WWC2: variants seen among roughly 807,000 people sequenced by gnomAD.
The protein encoded by WWC2 is WW and C2 domain containing 2.
WWC2 carries 101 observed loss-of-function variants against 138.5 expected under a neutral mutation model. The ratio of observed to expected loss-of-function variants is 0.73; its 90% CI spans 0.62 to 0.86. The LOEUF is 0.86. Ranked by LOEUF, WWC2 falls within the 40% of genes least tolerant of loss-of-function variation. The pLI is 0.00. For synonymous variants in WWC2, 558 were observed against 538.4 expected (o/e 1.04, Z -0.50); for missense variants, 1,420 against 1,419.4 (o/e 1.00, Z -0.01).
chr4:183,255,759 A>G (rs1453848846), intron 9 of WWC2, among the ~76,000 whole-genome samples: 2 of 152,176 alleles, frequency 1.3e-5, no homozygotes, highest in East Asian at 1.9e-4. Flanking sequence ...AACATTAAAG[A>G]TAGCAATTTG....
intron 4 of WWC2, among the ~76,000 whole-genome samples, chr4:183,215,668 G>C (rs1436224317): frequency 6.6e-6 from 1 of 151,908 alleles, no homozygotes. Context: ...TATGAGTTTG[G>C]CCTCCTTTTC....
At chr4:183,283,471 G>T (rs1738145951) in intron 18 of WWC2, among the ~76,000 whole-genome samples, 1 of 152,172 alleles carries the variant, frequency 6.6e-6, no homozygotes, top group Non-Finnish European at 1.5e-5. Context: ...TGGGGATATT[G>T]GTAGTAGAGT....
At chr4:183,245,246 AAAAG>A (rs1303758619) in intron 5 of WWC2, among the ~76,000 whole-genome samples, 166 bp from the exon 6 acceptor site, 2 of 146,226 alleles carry the variant, frequency 1.4e-5, no homozygotes, top group African/African-American at 5.5e-5. Context: ...AAAAAAAAAA[AAAAG>A]AGAGAGAAAG....
In WWC2 at chr4:183,207,996, A is replaced by G. The variant is rs753863192; in HGVS notation, c.285A>G (p.Glu95=). The G allele has an allele frequency of 1.9e-6, 3 of 1,613,508 alleles. No homozygotes were observed. The highest frequency in any genetic ancestry group is 2.2e-5 in the South Asian group (2 of 90,976). The part of the protein sequence containing the change: ...IEDPRKQWRG[E]QEKMLKDYLS... ...ATCCAAGAAAACAATGGAGGGGGGAACAGGAGAAGATGCTCAAGGACTACC... is the reference window on the plus strand; with the variant it reads ...ATCCAAGAAAACAATGGAGGGGGGAGCAGGAGAAGATGCTCAAGGACTACC... Residue 95 remains glutamate (E), a synonymous_variant, in exon 3 of 23, where the codon GAA becomes GAG. Transcript: ENST00000403733.
chr4:183,192,430 G>A (rs558621060), intron 1 of WWC2, among the ~76,000 whole-genome samples: 1 of 152,286 alleles, frequency 6.6e-6, no homozygotes, highest in South Asian at 2.1e-4. Flanking sequence ...CTTCTTTGGA[G>A]CCATCTCCAG....
At chr4:183,121,701 G>A (rs1732605318) in intron 1 of WWC2, among the ~76,000 whole-genome samples, 1 of 151,884 alleles carries the variant, frequency 6.6e-6, no homozygotes, top group Non-Finnish European at 1.5e-5. Context: ...TTATAGATAA[G>A]GGAAATGCAA....
At chr4:183,282,978 T>C (rs1738130057) in intron 18 of WWC2, 72 bp downstream of exon 18, 1 of 1,410,276 alleles carries the variant, frequency 7.1e-7, no homozygotes, top group Non-Finnish European at 9.4e-7. Flanking sequence ...GATGCTTGTT[T>C]GTCTCCTTAG....
intron 1 of WWC2, among the ~76,000 whole-genome samples, chr4:183,180,471 A>G (rs1362820912): frequency 6.6e-6 from 1 of 150,488 alleles, no homozygotes; most frequent in Non-Finnish European, 1.5e-5. Context: ...GGCCAGTCTC[A>G]CCAAGCTTGA....
At chr4:183,219,646 C>T (rs1047369955) in intron 4 of WWC2, among the ~76,000 whole-genome samples, 1 of 152,150 alleles carries the variant, frequency 6.6e-6, no homozygotes, top group Non-Finnish European at 1.5e-5. Flanking sequence ...CGGAAGGATG[C>T]TGTCATAAGG....
intron 21 of WWC2, among the ~76,000 whole-genome samples, chr4:183,302,857 A>G (rs564562989): frequency 6.6e-6 from 1 of 152,230 alleles, no homozygotes; most frequent in East Asian, 1.9e-4. Flanking sequence ...TGAGGTCAGG[A>G]GTTCAAGACC....
At chr4:183,282,327 C>T (rs538554074) in intron 17 of WWC2, among the ~76,000 whole-genome samples, 1 of 152,292 alleles carries the variant, frequency 6.6e-6, no homozygotes, top group Admixed American at 6.5e-5. Flanking sequence ...TTTCTGTATT[C>T]ACTGTCATAT....
intron 11 of WWC2, among the ~76,000 whole-genome samples, chr4:183,263,458 C>A (rs2111363230): frequency 1.3e-5 from 2 of 152,304 alleles, no homozygotes; most frequent in Admixed American, 1.3e-4. Context: ...GAGACAGTAT[C>A]TCTGAACCTT....
At chr4:183,172,457 A>G (rs1053892428) in intron 1 of WWC2, among the ~76,000 whole-genome samples, 4 of 151,916 alleles carry the variant, frequency 2.6e-5, no homozygotes, top group Non-Finnish European at 5.9e-5. Context: ...ACATAATTCC[A>G]GGTTGGAAGT....
rs561228308 is a variant in WWC2 at position 183,161,942 on chromosome 4, A to G, written c.132-31657A>G. 3.3e-5 allele frequency among the ~76,000 whole-genome samples: 5 copies of G among 152,304 alleles called. No homozygotes were observed. The South Asian group carries it at 1.0e-3, about 32-fold the overall frequency. On this transcript the variant is annotated intron_variant, in intron 1 of 22. Coordinates refer to ENST00000403733, the MANE Select transcript of WWC2 (RefSeq NM_024949.6). ...GAGACTTCAGATATGTACTCATAGG[A>G]ACGTAGTGAGGGCAGATTTTTCAGC...
chr4:183,207,743 G>A (rs1735485378), intron 2 of WWC2, among the ~76,000 whole-genome samples: 1 of 152,156 alleles, frequency 6.6e-6, no homozygotes, highest in South Asian at 2.1e-4. Context: ...GATTTATAGT[G>A]AGAATACACT....
intron 16 of WWC2, among the ~76,000 whole-genome samples, chr4:183,276,712 A>G (rs926002212): frequency 4.6e-5 from 7 of 152,130 alleles, no homozygotes; most frequent in African/African-American, 1.7e-4. Context: ...TTCCTTCTGC[A>G]TTATTGTGCT....
At chr4:183,271,281 A>C in intron 16 of WWC2, 40 bp downstream of exon 16, 1 of 1,524,964 alleles carries the variant, frequency 6.6e-7, no homozygotes, top group Non-Finnish European at 8.8e-7. Context: ...GTAATGTGAA[A>C]TACATATATG....
chr4:183,266,159 T>C (rs1219303097), intron 14 of WWC2, among the ~76,000 whole-genome samples: 1 of 152,234 alleles, frequency 6.6e-6, no homozygotes, highest in Non-Finnish European at 1.5e-5. Flanking sequence ...TGATTCTTTC[T>C]AAGAGTAGAA....
rs1561438959 is a variant in WWC2 at position 183,154,026 on chromosome 4, A to AAAAAAAAAAACAAAAAAAC, written c.132-39571_132-39570insAAAAAAAACAAAAAAACAA. On this transcript the variant is annotated intron_variant, in intron 1 of 22. Transcript: ENST00000403733. ...GCAAAAAAAAAAAAAAAAAAAAAAA[A>AAAAAAAAAAACAAAAAAAC]AACCCCAAATCTAATTCATCATTTA... Among the ~76,000 whole-genome samples the AAAAAAAAAAACAAAAAAAC allele has an allele frequency of 4.9e-4, 71 of 145,650 alleles. 2 individuals are homozygous for AAAAAAAAAAACAAAAAAAC. Among genetic ancestry groups the AAAAAAAAAAACAAAAAAAC allele is most frequent in the African/African-American group, 1.9e-3 (68 of 36,404 alleles).
Sources: gnomAD v4.1 joint callset for allele counts (sites outside exome capture counted in the v4.1 genomes callset) on GRCh38, gnomAD v4.1.1 for gene constraint, MANE v1.5 for transcripts, NCBI Gene and HGNC (gene_info 2026-07-23, HGNC 2026-07-21) for gene names.